MICAL2: variants seen among roughly 807,000 people sequenced by gnomAD.
MICAL2 encodes the protein [F-actin]-monooxygenase MICAL2.
Under a neutral mutation model 127.3 loss-of-function variants are expected in MICAL2, and 77 were observed. That is an observed-to-expected ratio of 0.60 (90% CI 0.50 to 0.73). The LOEUF (loss-of-function observed/expected upper bound fraction) is 0.73. Among genes scored for constraint, MICAL2 ranks in the 30% least tolerant of loss-of-function variants. MICAL2 has a pLI of 0.00. For synonymous variants in MICAL2, 570 were observed against 551.1 expected (o/e 1.03, Z -0.48); for missense variants, 1,351 against 1,434.4 (o/e 0.94, Z 0.94).
At chr11:12,174,789 C>A (rs1301331957) in intron 3 of MICAL2, among the ~76,000 whole-genome samples, 3 of 152,140 alleles carry the variant, frequency 2.0e-5, no homozygotes, top group African/African-American at 7.2e-5. Flanking sequence ...AAATTGCCAT[C>A]CCTGAGTTAA....
intron 1 of MICAL2, among the ~76,000 whole-genome samples, chr11:12,117,829 TTGTC>T (rs1383923725): frequency 6.6e-6 from 1 of 152,182 alleles, no homozygotes; most frequent in Non-Finnish European, 1.5e-5. Context: ...GCTACATCAT[TTGTC>T]TGATGACTAA....
chr11:12,207,889 C>A, intron 4 of MICAL2, 134 bp from the exon 5 acceptor site: 1 of 691,040 alleles, frequency 1.4e-6, no homozygotes, highest in Non-Finnish European at 2.6e-6. Flanking sequence ...GTGCATAATC[C>A]CGCTCAGTAA....
At chr11:12,238,676 G>T (rs2134443875) in intron 16 of MICAL2, among the ~76,000 whole-genome samples, 1 of 143,818 alleles carries the variant, frequency 7.0e-6, no homozygotes, top group South Asian at 2.3e-4. Context: ...AGATATTAGT[G>T]GAAAAACTGA....
intron 3 of MICAL2, among the ~76,000 whole-genome samples, chr11:12,185,714 T>G (rs749776703): frequency 1.3e-5 from 2 of 152,202 alleles, no homozygotes; most frequent in African/African-American, 4.8e-5. Context: ...TACTCCGCAC[T>G]GCTCAGCTCT....
At chr11:12,166,959 G>A (rs1160855809) in intron 3 of MICAL2, among the ~76,000 whole-genome samples, 4 of 152,118 alleles carry the variant, frequency 2.6e-5, no homozygotes, top group Admixed American at 1.3e-4. Flanking sequence ...TGTGGGGTGC[G>A]GGGAAAGGGT....
chr11:12,244,941 T>G (rs1347186168), intron 21 of MICAL2, among the ~76,000 whole-genome samples: 1 of 152,224 alleles, frequency 6.6e-6, no homozygotes, highest in Non-Finnish European at 1.5e-5. Flanking sequence ...CAGACAGTAG[T>G]GCAGAGATCA....
intron 3 of MICAL2, among the ~76,000 whole-genome samples, chr11:12,163,254 C>T (rs1339664974): frequency 6.6e-6 from 1 of 152,216 alleles, no homozygotes; most frequent in African/African-American, 2.4e-5. Context: ...GTCCAGGCGT[C>T]TCAGCTGACT....
intron 8 of MICAL2, 31 bp from the exon 9 acceptor site, chr11:12,220,170 G>C (rs199562241): frequency 6.2e-7 from 1 of 1,612,476 alleles, no homozygotes; most frequent in Non-Finnish European, 8.5e-7. Context: ...TAGAGGGGGA[G>C]GTTGCTGCAC....
chr11:12,247,984 T>C (rs1860989550), intron 21 of MICAL2, among the ~76,000 whole-genome samples: 1 of 152,214 alleles, frequency 6.6e-6, no homozygotes, highest in South Asian at 2.1e-4. Context: ...GCAGGCAGCA[T>C]GTCTCTGTTC....
chr11:12,302,887 C>T lies in MICAL2; in HGVS notation c.5212+8030C>T, dbSNP rs184997392. Among the ~76,000 whole-genome samples the T allele has an allele frequency of 1.1e-4, 17 of 151,992 alleles. No homozygotes were observed. The East Asian group carries it at 3.1e-3, about 28-fold the overall frequency. ...AATACTTTCTGTATTAGTTCTCACA[C>T]TGCTATGAAGAAATACCTGAGACTG... On this transcript the variant is annotated intron_variant, in intron 29 of 34. Coordinates refer to the MICAL2 transcript ENST00000646065.
chr11:12,310,533 T>C (rs1007586533), intron 29 of MICAL2, among the ~76,000 whole-genome samples: 2 of 152,244 alleles, frequency 1.3e-5, no homozygotes, highest in African/African-American at 2.4e-5. Flanking sequence ...CATTGGTCTA[T>C]GTATCTGTTT....
intron 11 of MICAL2, among the ~76,000 whole-genome samples, chr11:12,222,964 T>C (rs573289630): frequency 1.3e-5 from 2 of 152,222 alleles, no homozygotes; most frequent in Non-Finnish European, 2.9e-5. Flanking sequence ...GATTTATATG[T>C]ATATGTGCAT....
At chr11:12,335,444 G>C (rs1019278804) in intron 32 of MICAL2, among the ~76,000 whole-genome samples, 2 of 152,040 alleles carry the variant, frequency 1.3e-5, no homozygotes, top group African/African-American at 4.8e-5. Flanking sequence ...CTGTGCAGAA[G>C]CTCTTGAGTT....
chr11:12,354,240 G>A (rs1939095664), intron 33 of MICAL2, among the ~76,000 whole-genome samples: 1 of 152,218 alleles, frequency 6.6e-6, no homozygotes, highest in Admixed American at 6.5e-5. Context: ...ACTTTGGGAG[G>A]CCAAGGAGGG....
chr11:12,221,775 AG>A lies in MICAL2; in HGVS notation c.1322+19del. 6.2e-7 allele frequency: 1 copy of A among 1,605,474 alleles called. No individual in the cohort carries two copies. On this transcript the variant is annotated intron_variant, in intron 10 of 27. Coordinates refer to ENST00000683283, the MANE Select transcript of MICAL2 (RefSeq NM_001282663.2). The stretch of plus-strand genomic sequence containing the variant: ...TGGCTGAAAGGTGAGCTTTGACAGT[AG>A]GGCTCCTAACTGGGGGGCAGGGCAC...
chr11:12,255,476 A>C, intron 22 of MICAL2, 167 bp from the exon 23 acceptor site: 1 of 612,448 alleles, frequency 1.6e-6, no homozygotes, highest in Non-Finnish European at 2.9e-6. Flanking sequence ...CCACCTCCAG[A>C]ATCCCCGCGT....
At chr11:12,130,713 A>G (rs1477947761) in intron 1 of MICAL2, among the ~76,000 whole-genome samples, 1 of 152,140 alleles carries the variant, frequency 6.6e-6, no homozygotes, top group Non-Finnish European at 1.5e-5. Flanking sequence ...CCAACTTTGA[A>G]TACTTGGGTG....
intron 3 of MICAL2, among the ~76,000 whole-genome samples, chr11:12,201,702 T>C (rs1854012880): frequency 6.6e-6 from 1 of 152,234 alleles, no homozygotes; most frequent in African/African-American, 2.4e-5. Flanking sequence ...CCTTGTCTTT[T>C]TCAGCATGCA....
intron 1 of MICAL2, among the ~76,000 whole-genome samples, chr11:12,115,480 A>T (rs546022492): frequency 2.0e-5 from 3 of 151,828 alleles, no homozygotes; most frequent in Non-Finnish European, 4.4e-5. Context: ...CAGGCTTTTA[A>T]TTTTTATTTT....
Sources: gnomAD v4.1 joint callset for allele counts (sites outside exome capture counted in the v4.1 genomes callset) on GRCh38, gnomAD v4.1.1 for gene constraint, MANE v1.5 for transcripts, NCBI Gene and HGNC (gene_info 2026-07-23, HGNC 2026-07-21) for gene names.